Variants in THOC1 observed in about 807,000 individuals in gnomAD.
THOC1 encodes the protein THO complex 1.
Under a neutral mutation model 97.3 loss-of-function variants are expected in THOC1, and 29 were observed. The observed-to-expected ratio is 0.30, with a 90% CI of 0.22 to 0.41. The LOEUF is 0.41. THOC1 is among the 10% of genes least tolerant of loss of function. THOC1 has a pLI of 1.00. For synonymous variants in THOC1, 255 were observed against 257.0 expected (o/e 0.99, Z 0.07); for missense variants, 529 against 761.9 (o/e 0.69, Z 3.60).
chr18:244,430 GTCTT>G (rs1912017108), intron 11 of THOC1: 1 of 152,002 alleles, frequency 6.6e-6, no homozygotes, highest in African/African-American at 2.4e-5. Flanking sequence ...AAATAAAAAT[GTCTT>G]TCTTTCATCG....
intron 1 of THOC1, among the ~76,000 whole-genome samples, chr18:267,579 G>A (rs1912818242): frequency 6.6e-6 from 1 of 152,198 alleles, no homozygotes; most frequent in South Asian, 2.1e-4. Flanking sequence ...GCGGGAGCCA[G>A]GTCTTTGGAC....
chr18:233,264 A>C (rs1283519571), intron 11 of THOC1, among the ~76,000 whole-genome samples: 1 of 152,228 alleles, frequency 6.6e-6, no homozygotes, highest in African/African-American at 2.4e-5. Context: ...TAATTTTTCC[A>C]TATGGATAAT....
At chr18:230,415 T>C (rs1186133776) in intron 11 of THOC1, among the ~76,000 whole-genome samples, 2 of 152,214 alleles carry the variant, frequency 1.3e-5, no homozygotes, top group African/African-American at 4.8e-5. Context: ...TTACTAGCTG[T>C]TCATTTTATT....
At chr18:246,753 G>T (rs1329487970) in intron 10 of THOC1, among the ~76,000 whole-genome samples, 1 of 151,822 alleles carries the variant, frequency 6.6e-6, no homozygotes, top group African/African-American at 2.4e-5. Context: ...GAGGGGGGCG[G>T]GTAACTTGAG....
intron 4 of THOC1, among the ~76,000 whole-genome samples, chr18:262,678 T>C (rs1912640113): frequency 6.6e-6 from 1 of 152,202 alleles, no homozygotes. Context: ...AATGAATGAA[T>C]GATTAGGCAG....
chr18:251,686 A>G (rs1008796184), intron 9 of THOC1, among the ~76,000 whole-genome samples: 2 of 152,136 alleles, frequency 1.3e-5, no homozygotes, highest in Non-Finnish European at 2.9e-5. Context: ...AGAGGTGTAC[A>G]TGAAAATAAC....
chr18:258,708 T>G (rs117301625), intron 7 of THOC1, among the ~76,000 whole-genome samples: 36 of 152,276 alleles, frequency 2.4e-4, no homozygotes, highest in Non-Finnish European at 4.9e-4. Flanking sequence ...GGACAAGCAA[T>G]GTCCCATTTC....
At chr18:232,863 T>C (rs546669181) in intron 11 of THOC1, among the ~76,000 whole-genome samples, 1 of 152,294 alleles carries the variant, frequency 6.6e-6, no homozygotes, top group South Asian at 2.1e-4. Flanking sequence ...TATTCAGTTT[T>C]CTACATCTTT....
intron 11 of THOC1, among the ~76,000 whole-genome samples, chr18:238,056 G>C (rs1257756106): frequency 6.6e-6 from 1 of 151,914 alleles, no homozygotes; most frequent in African/African-American, 2.4e-5. Flanking sequence ...GTGGAGATGG[G>C]GTTTCACCAT....
intron 3 of THOC1, 50 bp downstream of exon 3, chr18:265,253 T>C: frequency 7.0e-7 from 1 of 1,436,790 alleles, no homozygotes; most frequent in Admixed American, 2.5e-5. Flanking sequence ...TTAAATAACA[T>C]GGTTTATTAA....
Position 254,014 on chromosome 18 carries a change from G to A in THOC1, c.603+259C>T, listed in dbSNP as rs1292837543. ...CAGCTTGACCTCCCTGGGCTGAGGC[G>A]ATTCTCCCACCTCAGCCTCTCGAGT... is the stretch of plus-strand genomic sequence containing the variant. On this transcript the variant is annotated intron_variant, in intron 8 of 20. Coordinates refer to ENST00000261600, the MANE Select transcript of THOC1 (RefSeq NM_005131.3). The surrounding 1 kb of genome is among the most constrained non-coding windows in gnomAD (Gnocchi z 4.1). 2.0e-5 allele frequency among the ~76,000 whole-genome samples: 3 copies of A among 150,942 alleles called. No homozygotes were observed. Among genetic ancestry groups the A allele is most frequent in the Non-Finnish European group, 4.4e-5 (3 of 67,852 alleles).
chr18:215,503 G>A lies in THOC1; in HGVS notation c.1604C>T (p.Pro535Leu). The A allele has an allele frequency of 6.2e-7, 1 of 1,611,516 alleles. No homozygotes were observed. Among genetic ancestry groups the A allele is most frequent in the Middle Eastern group, 1.7e-4 (1 of 6,056 alleles). ...MVIKLAKELPPPSEEIKTGED... is the reference protein window; with the variant it reads ...MVIKLAKELPLPSEEIKTGED... The stretch of plus-strand genomic sequence containing the variant: ...ACCTGTTTTTATTTCTTCAGAAGGA[G>A]GCTAAAAATGAGAAAGAAGAATGTT... The change falls in exon 20 of 21, where the codon CCT becomes CTT. Residue 535 changes from proline to leucine, a missense_variant and splice_region_variant. Transcript: ENST00000261600.
chr18:267,856 G>A (rs1037625339), intron 1 of THOC1, 110 bp downstream of exon 1: 23 of 1,157,530 alleles, frequency 2.0e-5, no homozygotes, highest in African/African-American at 1.4e-4. Context: ...ACGCTGAGGC[G>A]GACACACCTC....
chr18:254,007 C>A lies in THOC1; in HGVS notation c.603+266G>T, dbSNP rs1912361753. ...CTCACTGCAGCTTGACCTCCCTGGGCTGAGGCGATTCTCCCACCTCAGCCT... is the reference window on the plus strand; with the variant it reads ...CTCACTGCAGCTTGACCTCCCTGGGATGAGGCGATTCTCCCACCTCAGCCT... On this transcript the variant is annotated intron_variant, in intron 8 of 20. Coordinates refer to ENST00000261600, the MANE Select transcript of THOC1 (RefSeq NM_005131.3). The surrounding 1 kb of genome is among the most constrained non-coding windows in gnomAD (Gnocchi z 4.1). Among the ~76,000 whole-genome samples, 1 of 150,522 alleles carries A rather than the reference C, an allele frequency of 6.6e-6. No homozygotes were observed. Among genetic ancestry groups the A allele is most frequent in the Non-Finnish European group, 1.5e-5 (1 of 67,854 alleles).
rs1427825706 is a variant in THOC1, at chr18:223,445, C to G, written c.1365G>C (p.Glu455Asp). The change falls in exon 17 of 21, where the codon GAG becomes GAC. Residue 455 changes from glutamate (E) to aspartate (D), a missense_variant. Coordinates refer to ENST00000261600, the MANE Select transcript of THOC1 (RefSeq NM_005131.3). ...CPDNMEACKS[E>D]TREHMPTLEE... Reference sequence around the variant, plus strand: ...TTGAAAAATGTTCAACTTGCCTTGTCTCTGATTTACAGGCTTCCATATTAT... The same window carrying G: ...TTGAAAAATGTTCAACTTGCCTTGTGTCTGATTTACAGGCTTCCATATTAT... The G allele has an allele frequency of 3.2e-6, 5 of 1,555,876 alleles. No individual in the cohort carries two copies. The highest frequency in any genetic ancestry group is 4.4e-6 in the Non-Finnish European group (5 of 1,148,870).
chr18:259,717 G>A lies in THOC1; in HGVS notation c.389C>T (p.Ser130Phe). 1 of 1,547,614 alleles carries A rather than the reference G, an allele frequency of 6.5e-7. No homozygotes were observed. Residue 130 changes from serine to phenylalanine, a missense_variant, in exon 6 of 21, where the codon TCT becomes TTT. Coordinates refer to ENST00000261600, the MANE Select transcript of THOC1 (RefSeq NM_005131.3). ...ACGTAGTAAGTAATTTTTCCCAGCA[G>A]AATAGAATGTATTCTGAAATTAAGA... ...VATWKSNTFY[S>F]AGKNYLLRMC...
chr18:247,813 T>C, intron 10 of THOC1, 36 bp downstream of exon 10: 1 of 1,278,916 alleles, frequency 7.8e-7, no homozygotes. Context: ...GTCTATAAAA[T>C]ACTGGGCTTC....
chr18:228,725 G>A (rs1911382746), intron 11 of THOC1, among the ~76,000 whole-genome samples: 1 of 152,178 alleles, frequency 6.6e-6, no homozygotes, highest in Non-Finnish European at 1.5e-5. Context: ...TAAACCAACT[G>A]TTAGTCACCT....
rs1196023432 is a variant in THOC1 at position 226,878 on chromosome 18, G to A, written c.942C>T (p.Asp314=). 2 of 1,610,458 alleles carry A rather than the reference G, an allele frequency of 1.2e-6. No individual in the cohort carries two copies. Among genetic ancestry groups the A allele is most frequent in the Non-Finnish European group, 1.7e-6 (2 of 1,178,386 alleles). ...ACAGGATGTGTCGACGAAAGTTACT[G>A]TCACTCAGTTGTAAATCCATCAGCT... ...SEKLMDLQLS[D]SNFRRHILLQ... The change falls in exon 12 of 21, where the codon GAC becomes GAT. Residue 314 remains aspartate (D), a synonymous_variant. Transcript: ENST00000261600.
Sources: allele counts gnomAD v4.1 joint callset (sites outside exome capture counted in the v4.1 genomes callset), GRCh38; gene constraint gnomAD v4.1.1; non-coding constraint Gnocchi (gnomAD v3.1); transcripts MANE v1.5; gene names NCBI Gene and HGNC (gene_info 2026-07-23, HGNC 2026-07-21).